NKAIN3: variants seen among roughly 807,000 people sequenced by gnomAD.
NKAIN3 encodes the protein sodium/potassium-transporting ATPase subunit beta-1-interacting protein 3.
A neutral mutation model predicts 30.2 loss-of-function variants in NKAIN3; 25 were observed. The observed-to-expected ratio is 0.83, with a 90% CI of 0.60 to 1.16. The LOEUF is 1.16. NKAIN3 is among the 50% of genes most tolerant of loss of function. NKAIN3 has a pLI of 0.00. For synonymous variants in NKAIN3, 91 were observed against 89.6 expected (o/e 1.02, Z -0.09); for missense variants, 225 against 254.1 (o/e 0.89, Z 0.78).
chr8:62,398,706 G>C (rs190258219), intron 1 of NKAIN3, among the ~76,000 whole-genome samples: 18 of 152,338 alleles, frequency 1.2e-4, no homozygotes, highest in Non-Finnish European at 2.2e-4. Context: ...AACTGTTACT[G>C]TCCTGTTTTA....
intron 1 of NKAIN3, among the ~76,000 whole-genome samples, chr8:62,335,449 A>C (rs1014036280): frequency 4.0e-5 from 6 of 148,688 alleles, no homozygotes; most frequent in African/African-American, 1.5e-4. Flanking sequence ...AAAAAAAAAA[A>C]AAGAAAGAAA....
chr8:62,920,167 A>G (rs1437973113), intron 5 of NKAIN3, among the ~76,000 whole-genome samples: 1 of 152,226 alleles, frequency 6.6e-6, no homozygotes, highest in African/African-American at 2.4e-5. Context: ...CCTGAAAGTT[A>G]TTGGAATTTG....
chr8:62,957,363 T>C (rs1375947510), intron 6 of NKAIN3, among the ~76,000 whole-genome samples: 1 of 152,218 alleles, frequency 6.6e-6, no homozygotes. Flanking sequence ...CTCGATCTCC[T>C]GACCTTGTGA....
intron 1 of NKAIN3, among the ~76,000 whole-genome samples, chr8:62,359,434 G>A (rs759952389): frequency 1.1e-4 from 17 of 152,170 alleles, no homozygotes; most frequent in Non-Finnish European, 1.3e-4. Flanking sequence ...CTACTAACAC[G>A]TTCTGATACA....
At chr8:62,988,689 T>C (rs1420961542), downstream of NKAIN3, among the ~76,000 whole-genome samples, 1 of 152,236 alleles carries the variant, frequency 6.6e-6, no homozygotes, top group Non-Finnish European at 1.5e-5. Flanking sequence ...CTTCTAGGCC[T>C]CTGGGCCTGT....
At chr8:62,755,719 A>C (rs1816429315) in intron 4 of NKAIN3, among the ~76,000 whole-genome samples, 1 of 152,118 alleles carries the variant, frequency 6.6e-6, no homozygotes, top group Admixed American at 6.6e-5. Context: ...TGCTAGATAG[A>C]ACTATTAAAG....
chr8:62,691,811 T>G (rs1248729771), intron 3 of NKAIN3, among the ~76,000 whole-genome samples: 1 of 152,174 alleles, frequency 6.6e-6, no homozygotes, highest in African/African-American at 2.4e-5. Context: ...CTATTTAATG[T>G]GGCTGCAAAA....
Position 62,560,531 on chromosome 8 carries a change from C to CTTTTTTTTTTTTT in NKAIN3, c.55-18995_55-18983dup, listed in dbSNP as rs869256384. On this transcript the variant is annotated intron_variant, in intron 1 of 6. Coordinates refer to ENST00000623646, the MANE Select transcript of NKAIN3 (RefSeq NM_001304533.3). ...CAGTTCACTGAATCTTTTTTCTTTTCTTTTTTTTTTTTTTTTTTTTTTTTT... is the reference window on the plus strand; with the variant it reads ...CAGTTCACTGAATCTTTTTTCTTTTCTTTTTTTTTTTTTTTTTTTTTTTTTTTTTTTTTTTTTT... Among the ~76,000 whole-genome samples, 285 of 45,360 alleles carry CTTTTTTTTTTTTT rather than the reference C, an allele frequency of 6.3e-3. 12 individuals are homozygous for CTTTTTTTTTTTTT. Among genetic ancestry groups the CTTTTTTTTTTTTT allele is most frequent in the Non-Finnish European group, 7.9e-3 (214 of 27,026 alleles). 29.8% of individuals were successfully genotyped at this position (45,360 alleles called of 152,430 possible).
chr8:62,667,395 A>G (rs1196543501), intron 3 of NKAIN3, among the ~76,000 whole-genome samples: 2 of 146,936 alleles, frequency 1.4e-5, no homozygotes, highest in African/African-American at 2.5e-5. Context: ...ATATATAAAG[A>G]AATTCCCACT....
intron 4 of NKAIN3, among the ~76,000 whole-genome samples, chr8:62,917,678 C>T (rs542279525): frequency 6.6e-6 from 1 of 152,318 alleles, no homozygotes; most frequent in East Asian, 1.9e-4. Flanking sequence ...TAAACTATAG[C>T]AGCTATCAAG....
At chr8:62,577,919 AT>A (rs1190989386) in intron 1 of NKAIN3, among the ~76,000 whole-genome samples, 6 of 151,960 alleles carry the variant, frequency 3.9e-5, no homozygotes, top group African/African-American at 1.4e-4. Context: ...CTGAAGGCAA[AT>A]CTTAACCAAG....
At chr8:62,803,519 G>A (rs1047409772) in intron 4 of NKAIN3, among the ~76,000 whole-genome samples, 3 of 152,056 alleles carry the variant, frequency 2.0e-5, no homozygotes, top group African/African-American at 7.2e-5. Flanking sequence ...TGACTACTGG[G>A]TACATAAAGA....
At position 62,969,439 on chromosome 8, in the gene NKAIN3, T is replaced by C. The variant is rs1823784044; in HGVS notation, c.*4032T>C. Among the ~76,000 whole-genome samples the C allele has an allele frequency of 6.6e-6, 1 of 152,238 alleles. No individual in the cohort carries two copies. The highest frequency in any genetic ancestry group is 1.5e-5 in the Non-Finnish European group (1 of 68,036). ...ATCTTTGCAAATTAAAAAGGAATCTTGCCAAGAATAAACAAATCTTCATTT... is the reference window on the plus strand; with the variant it reads ...ATCTTTGCAAATTAAAAAGGAATCTCGCCAAGAATAAACAAATCTTCATTT... On this transcript the variant is annotated 3_prime_UTR_variant, in exon 7 of 7. Transcript: ENST00000623646.
intron 4 of NKAIN3, among the ~76,000 whole-genome samples, chr8:62,909,012 AC>A (rs1172376562): frequency 6.6e-6 from 1 of 152,044 alleles, no homozygotes; most frequent in African/African-American, 2.4e-5. Flanking sequence ...TCCCTGGAGG[AC>A]CTTTTTTAAT....
At chr8:62,821,620 A>G (rs894138613) in intron 4 of NKAIN3, among the ~76,000 whole-genome samples, 1 of 152,128 alleles carries the variant, frequency 6.6e-6, no homozygotes, top group African/African-American at 2.4e-5. Context: ...TTTCTAAATC[A>G]TATACTGAAA....
chr8:62,258,095 T>G (rs1812316314), intron 1 of NKAIN3, among the ~76,000 whole-genome samples: 1 of 152,144 alleles, frequency 6.6e-6, no homozygotes, highest in Admixed American at 6.5e-5. Context: ...GCAATGTATG[T>G]TTTCAGTCTC....
intron 1 of NKAIN3, among the ~76,000 whole-genome samples, chr8:62,523,049 G>A (rs768918245): frequency 3.3e-5 from 5 of 152,102 alleles, no homozygotes; most frequent in African/African-American, 1.2e-4. Flanking sequence ...CCAGAGCAAC[G>A]TCTAGTCCTG....
intron 6 of NKAIN3, among the ~76,000 whole-genome samples, chr8:62,959,433 G>GGTGTGTGTGTGGGGGTGT (rs71559385): frequency 7.0e-6 from 1 of 143,154 alleles, no homozygotes. Context: ...GACAAATCAG[G>GGTGTGTGTGTGGGGGTGT]GTGTGTGTGT....
chr8:62,324,044 G>A (rs774947819), intron 1 of NKAIN3, among the ~76,000 whole-genome samples: 9 of 151,872 alleles, frequency 5.9e-5, no homozygotes, highest in Admixed American at 1.3e-4. Flanking sequence ...GTAATGATGG[G>A]CACTTACCTT....
Sources: gnomAD v4.1 joint callset for allele counts (sites outside exome capture counted in the v4.1 genomes callset) on GRCh38, gnomAD v4.1.1 for gene constraint, MANE v1.5 for transcripts, NCBI Gene and HGNC (gene_info 2026-07-23, HGNC 2026-07-21) for gene names.